Variants in CAB39L observed in about 807,000 individuals in gnomAD.
The protein encoded by CAB39L is calcium binding protein 39 like, also known as calcium-binding protein 39-like.
A neutral mutation model predicts 39.1 loss-of-function variants in CAB39L; 23 were observed. The ratio of observed to expected loss-of-function variants is 0.59; its 90% confidence interval spans 0.42 to 0.83. The LOEUF (loss-of-function observed/expected upper bound fraction) is 0.83. Among genes scored for constraint, CAB39L ranks in the 40% least tolerant of loss-of-function variants. The probability of loss-of-function intolerance (pLI) is 0.00; values close to 1 mark genes in which losing one functional copy is unlikely to be tolerated. For synonymous variants in CAB39L, 126 were observed against 137.2 expected (o/e 0.92, Z 0.57); for missense variants, 366 against 391.9 (o/e 0.93, Z 0.56).
chr13:49,320,946 G>A (rs774619657), intron 10 of CAB39L, among the ~76,000 whole-genome samples: 1 of 152,168 alleles, frequency 6.6e-6, no homozygotes, highest in Non-Finnish European at 1.5e-5. Flanking sequence ...TGCACATCAA[G>A]GGAGGAAGAA....
At chr13:49,350,955 A>G (rs528582935) in intron 6 of CAB39L, 43 bp from the exon 7 acceptor site, 2 of 1,407,704 alleles carry the variant, frequency 1.4e-6, no homozygotes, top group African/African-American at 1.5e-5. Flanking sequence ...CTGTTATCCT[A>G]TTAAAATAAT....
intron 5 of CAB39L, among the ~76,000 whole-genome samples, chr13:49,361,444 C>CTCCAG (rs1566089923): frequency 7.9e-6 from 1 of 127,090 alleles, no homozygotes; most frequent in Non-Finnish European, 1.6e-5. Context: ...TGCCACTGCA[C>CTCCAG]TCCAGCCCAG....
At chr13:49,382,025 C>G (rs1956262057) in intron 4 of CAB39L, among the ~76,000 whole-genome samples, 1 of 152,200 alleles carries the variant, frequency 6.6e-6, no homozygotes. Flanking sequence ...TTAACATCAT[C>G]ACACCTTTTC....
At chr13:49,402,908 G>T (rs1266161372) in intron 3 of CAB39L, among the ~76,000 whole-genome samples, 3 of 151,982 alleles carry the variant, frequency 2.0e-5, no homozygotes, top group African/African-American at 7.2e-5. Context: ...TTTTTAAAGA[G>T]ATGTTAAATG....
chr13:49,416,454 T>A (rs539753233), intron 3 of CAB39L, among the ~76,000 whole-genome samples: 12 of 152,342 alleles, frequency 7.9e-5, no homozygotes, highest in African/African-American at 2.9e-4. Context: ...TTAATATTTT[T>A]AAACTGTGGA....
intron 3 of CAB39L, among the ~76,000 whole-genome samples, chr13:49,409,297 TTAG>T (rs774424667): frequency 6.6e-6 from 1 of 152,226 alleles, no homozygotes; most frequent in Non-Finnish European, 1.5e-5. Context: ...GATTGGAGAC[TTAG>T]TAGTACCTGA....
In CAB39L at chr13:49,335,019, C is replaced by T. The variant is rs150937874; in HGVS notation, c.691-2929G>A. Among the ~76,000 whole-genome samples, 1,076 of 152,242 alleles carry T rather than the reference C, an allele frequency of 7.1e-3. 11 individuals carry two copies. The highest frequency in any genetic ancestry group is 0.024 in the African/African-American group (1,010 of 41,542). ...GAAAAGGGCACCTAGGTTAAACTCT[C>T]CTTGTGACAGAGAGATAGTATTATC... On this transcript the variant is annotated intron_variant, in intron 9 of 10. Transcript: ENST00000409308.
At chr13:49,400,948 T>C (rs1221006404) in intron 3 of CAB39L, among the ~76,000 whole-genome samples, 1 of 151,658 alleles carries the variant, frequency 6.6e-6, no homozygotes, top group Non-Finnish European at 1.5e-5. Flanking sequence ...AACAGAGAAG[T>C]ATTGTTTTGT....
chr13:49,338,970 C>T (rs1954925374), intron 9 of CAB39L, among the ~76,000 whole-genome samples: 1 of 152,032 alleles, frequency 6.6e-6, no homozygotes, highest in South Asian at 2.1e-4. Context: ...GAGATAAATG[C>T]TTCCCATAAA....
chr13:49,347,337 C>T (rs1389550322), intron 7 of CAB39L, among the ~76,000 whole-genome samples: 6 of 152,146 alleles, frequency 3.9e-5, no homozygotes, highest in Non-Finnish European at 8.8e-5. Context: ...TATATGACAG[C>T]AAGAAATTAC....
intron 3 of CAB39L, among the ~76,000 whole-genome samples, chr13:49,396,468 C>T (rs981685736): frequency 4.6e-5 from 7 of 152,148 alleles, no homozygotes; most frequent in African/African-American, 9.6e-5. Context: ...CAGCACTTTG[C>T]GGGGCTAAGG....
chr13:49,332,153 C>T (rs554687697), intron 9 of CAB39L, 63 bp from the exon 10 acceptor site: 18 of 1,554,156 alleles, frequency 1.2e-5, no homozygotes, highest in African/African-American at 1.4e-5. Flanking sequence ...ATATAGCTCA[C>T]GTCTTCTCAC....
intron 8 of CAB39L, among the ~76,000 whole-genome samples, chr13:49,342,000 CTAATCT>C (rs1955022228): frequency 6.6e-6 from 1 of 151,912 alleles, no homozygotes; most frequent in Non-Finnish European, 1.5e-5. Context: ...TTGCTAATTC[CTAATCT>C]TAAATTGAAG....
intron 4 of CAB39L, among the ~76,000 whole-genome samples, chr13:49,380,202 T>C (rs1956223570): frequency 6.6e-6 from 1 of 152,212 alleles, no homozygotes; most frequent in African/African-American, 2.4e-5. Context: ...AACTTTATGC[T>C]TGAAAATTAA....
chr13:49,383,019 T>C (rs1407887701), intron 3 of CAB39L, 78 bp from the exon 4 acceptor site: 2 of 578,384 alleles, frequency 3.5e-6, no homozygotes, highest in Non-Finnish European at 6.0e-6. Flanking sequence ...GTCTTATAAG[T>C]TTTCAATAAC....
At chr13:49,341,527 C>G (rs530849330) in intron 8 of CAB39L, among the ~76,000 whole-genome samples, 1 of 152,134 alleles carries the variant, frequency 6.6e-6, no homozygotes, top group East Asian at 1.9e-4. Flanking sequence ...TTTTGGGATG[C>G]CTCTAGCAAT....
At chr13:49,381,744 C>T (rs1429954025) in intron 4 of CAB39L, among the ~76,000 whole-genome samples, 1 of 152,162 alleles carries the variant, frequency 6.6e-6, no homozygotes, top group East Asian at 1.9e-4. Context: ...TATACCACAA[C>T]TTTTTTATTG....
At chr13:49,370,132 G>A (rs1174017135) in intron 5 of CAB39L, among the ~76,000 whole-genome samples, 1 of 152,050 alleles carries the variant, frequency 6.6e-6, no homozygotes, top group Non-Finnish European at 1.5e-5. Flanking sequence ...TACCGGGTGA[G>A]GGGTAGCCAC....
intron 1 of CAB39L, among the ~76,000 whole-genome samples, chr13:49,439,216 C>G (rs1038384030): frequency 6.6e-6 from 1 of 152,110 alleles, no homozygotes; most frequent in African/African-American, 2.4e-5. Flanking sequence ...TCTCATTGCA[C>G]CTCCTTCTAT....
Sources: allele counts gnomAD v4.1 joint callset (sites outside exome capture counted in the v4.1 genomes callset), GRCh38; gene constraint gnomAD v4.1.1; transcripts MANE v1.5; gene names NCBI Gene and HGNC (gene_info 2026-07-23, HGNC 2026-07-21).